INPP5D: variants seen among roughly 807,000 people sequenced by gnomAD.
INPP5D encodes the protein inositol polyphosphate-5-phosphatase D, also known as phosphatidylinositol 3,4,5-trisphosphate 5-phosphatase 1.
Under a neutral mutation model 122.9 loss-of-function variants are expected in INPP5D, and 33 were observed. The ratio of observed to expected loss-of-function variants is 0.27; its 90% CI spans 0.20 to 0.36. INPP5D has a LOEUF of 0.36. Among genes scored for constraint, INPP5D ranks in the 10% least tolerant of loss-of-function variants. The pLI, the probability that INPP5D is intolerant of heterozygous loss-of-function variation, is 1.00. For synonymous variants in INPP5D, 584 were observed against 576.2 expected, an observed-to-expected ratio of 1.01 and a Z score of -0.19; for missense variants, 1,053 against 1,412.7, an observed-to-expected ratio of 0.75 and a Z score of 4.08.
chr2:233,109,253 C>T (rs902062762), intron 2 of INPP5D, among the ~76,000 whole-genome samples: 1 of 152,182 alleles, frequency 6.6e-6, no homozygotes, highest in African/African-American at 2.4e-5. Flanking sequence ...GAATGCAGCC[C>T]CTCCCCTCTG....
intron 10 of INPP5D, among the ~76,000 whole-genome samples, chr2:233,158,845 C>A (rs548028305): frequency 6.6e-6 from 1 of 152,280 alleles, no homozygotes; most frequent in East Asian, 1.9e-4. Flanking sequence ...GTGGCGTGAT[C>A]ACAGCTCACG....
chr2:233,156,703 G>A (rs148580468), intron 9 of INPP5D, among the ~76,000 whole-genome samples: 2 of 152,224 alleles, frequency 1.3e-5, no homozygotes, highest in Admixed American at 6.5e-5. Flanking sequence ...GACAACATGT[G>A]TGAAATGTGG....
rs570297484 is a variant in INPP5D at position 233,165,017 on chromosome 2, T to C, written c.1555+593T>C. ...AACGCTGGTGTCAGTGGAGAGTTGC[T>C]GGCTTCAGAGAGCAGTAACAAGGGC... On this transcript the variant is annotated intron_variant, in intron 13 of 26. Coordinates refer to ENST00000445964, the MANE Select transcript of INPP5D (RefSeq NM_001017915.3). 3.3e-5 allele frequency among the ~76,000 whole-genome samples: 5 copies of C among 152,226 alleles called. No homozygotes were observed. The South Asian group carries it at 1.0e-3, about 32-fold the overall frequency.
At chr2:233,107,536 G>A (rs866458259) in intron 2 of INPP5D, among the ~76,000 whole-genome samples, 1 of 152,218 alleles carries the variant, frequency 6.6e-6, no homozygotes, top group African/African-American at 2.4e-5. Context: ...GACTGCTGGG[G>A]AGTGGGGCAA....
At position 233,183,809 on chromosome 2, in the gene INPP5D, G is replaced by A. The variant is rs533680146; in HGVS notation, c.2162-599G>A. On this transcript the variant is annotated intron_variant, in intron 19 of 26. Transcript: ENST00000445964. The surrounding 1 kb of genome is among the most constrained non-coding windows in gnomAD (Gnocchi z 4.6). ...ATGGAGGAAGGAAAGGTTTGTTCAT[G>A]GTCTCCGAACAAGTCTCTGTTCTGT... Among the ~76,000 whole-genome samples, 1 of 152,322 alleles carries A rather than the reference G, an allele frequency of 6.6e-6. No homozygotes were observed. Among genetic ancestry groups the A allele is most frequent in the South Asian group, 2.1e-4 (1 of 4,824 alleles).
chr2:233,108,930 C>T (rs994964482), intron 2 of INPP5D, among the ~76,000 whole-genome samples: 1 of 152,212 alleles, frequency 6.6e-6, no homozygotes, highest in Non-Finnish European at 1.5e-5. Flanking sequence ...GGGGACAACC[C>T]CCTGCCCAGT....
Position 233,207,471 on chromosome 2 carries a change from TC to T in INPP5D, c.*764del, listed in dbSNP as rs1475038129. 6.6e-6 allele frequency: 1 copy of T among 152,398 alleles called. No individual in the cohort carries two copies. Among genetic ancestry groups the T allele is most frequent in the Non-Finnish European group, 1.5e-5 (1 of 68,076 alleles). The allele number at this position is 152,398 out of a possible 1,614,324, so 9.4% of individuals were successfully genotyped here. On this transcript the variant is annotated 3_prime_UTR_variant, in exon 27 of 27. Transcript: ENST00000445964. This position sits in a 1 kb window ranked among gnomAD's most constrained non-coding sequence, Gnocchi z 4.6. Reference sequence around the variant, plus strand: ...CAGCTCCTATTCTCCAGTGGAGAGATCTGGCCTCAGCTTGGGCTAGAGATGC... The same window carrying T: ...CAGCTCCTATTCTCCAGTGGAGAGATTGGCCTCAGCTTGGGCTAGAGATGC...
In INPP5D at chr2:233,207,621, G is replaced by A. The variant is rs570696680; in HGVS notation, c.*913G>A. The A allele has an allele frequency of 2.0e-5, 3 of 152,450 alleles. No individual in the cohort carries two copies. Among genetic ancestry groups the A allele is most frequent in the African/African-American group, 4.8e-5 (2 of 41,586 alleles). The allele number at this position is 152,450 out of a possible 1,614,324, so 9.4% of individuals were successfully genotyped here. The stretch of plus-strand genomic sequence containing the variant: ...TAGAAGAGTCTTTGCTGTTGCTCCC[G>A]AAAGCCGTGCTCTCCAGCCTGGCTG... On this transcript the variant is annotated 3_prime_UTR_variant, in exon 27 of 27. Transcript: ENST00000445964. The surrounding 1 kb of genome is among the most constrained non-coding windows in gnomAD (Gnocchi z 4.6).
At chr2:233,127,148 G>A (rs2106260939) in intron 4 of INPP5D, among the ~76,000 whole-genome samples, 2 of 152,338 alleles carry the variant, frequency 1.3e-5, no homozygotes, top group South Asian at 4.1e-4. Context: ...AGTGGGACCA[G>A]CAGGGGCGTG....
At chr2:233,159,722 C>G (rs969976591) in intron 10 of INPP5D, among the ~76,000 whole-genome samples, 7 of 146,722 alleles carry the variant, frequency 4.8e-5, no homozygotes, top group African/African-American at 1.8e-4. Context: ...AAGATTGCAG[C>G]GCAATAAGGG....
At chr2:233,196,260 G>A (rs115937533) in intron 24 of INPP5D, among the ~76,000 whole-genome samples, 104 of 152,284 alleles carry the variant, frequency 6.8e-4, no homozygotes, top group Middle Eastern at 3.4e-3. Flanking sequence ...CCTCCTCTGC[G>A]AGTCTGTTGA....
At chr2:233,138,250 T>A (rs1444343029) in intron 5 of INPP5D, among the ~76,000 whole-genome samples, 1 of 139,536 alleles carries the variant, frequency 7.2e-6, no homozygotes, top group African/African-American at 2.7e-5. Flanking sequence ...CTCAGGAGGC[T>A]GAGGCAGGAT....
At chr2:233,159,564 T>C (rs1694146660) in intron 10 of INPP5D, among the ~76,000 whole-genome samples, 1 of 148,620 alleles carries the variant, frequency 6.7e-6, no homozygotes, top group South Asian at 2.1e-4. Context: ...TGTGGTGGCA[T>C]GAGCCTGTAG....
At chr2:233,172,678 C>T (rs13385922) in intron 17 of INPP5D, among the ~76,000 whole-genome samples, 62,305 of 151,924 alleles carry the variant, frequency 0.41, 13,384 homozygotes, top group East Asian at 0.68. Context: ...AATAGCGATG[C>T]GTCGCTTAAC....
In INPP5D at chr2:233,197,926, G is replaced by A. The variant is rs1294463304; in HGVS notation, c.2694-169G>A. Among the ~76,000 whole-genome samples the A allele has an allele frequency of 1.3e-5, 2 of 152,034 alleles. No individual in the cohort carries two copies. The highest frequency in any genetic ancestry group is 2.9e-5 in the Non-Finnish European group (2 of 67,998). On this transcript the variant is annotated intron_variant, in intron 24 of 26. Coordinates refer to ENST00000445964, the MANE Select transcript of INPP5D (RefSeq NM_001017915.3). The surrounding 1 kb of genome is among the most constrained non-coding windows in gnomAD (Gnocchi z 4.4). ...TGCTTACGAGGCCCTCAGTAATCAC[G>A]GTGTTGCATGGATAGATGAATGAAT...
chr2:233,136,191 T>C (rs117788315), intron 5 of INPP5D, among the ~76,000 whole-genome samples: 4,209 of 152,186 alleles, frequency 0.028, 134 homozygotes, highest in East Asian at 0.18. Flanking sequence ...AAAAAGTAAA[T>C]AGAAGGCCGG....
chr2:233,182,645 TC>T, intron 19 of INPP5D, 146 bp downstream of exon 19: 1 of 1,305,404 alleles, frequency 7.7e-7, no homozygotes, highest in Non-Finnish European at 1.0e-6. Flanking sequence ...TTTCTTCATG[TC>T]CCAGCCACAG....
rs1694667987 is a variant in INPP5D, at chr2:233,177,402, G to A, written c.2071+56G>A. ...GGATCAGAGAATGGCACCAAGCTGG[G>A]AGGTGTGACTGCCCTAAAATCTAAG... On this transcript the variant is annotated intron_variant, in intron 18 of 26. Transcript: ENST00000445964. The surrounding 1 kb of genome is among the most constrained non-coding windows in gnomAD (Gnocchi z 4.2). 1 of 1,612,038 alleles carries A rather than the reference G, an allele frequency of 6.2e-7. No homozygotes were observed. Among genetic ancestry groups the A allele is most frequent in the South Asian group, 1.1e-5 (1 of 90,990 alleles).
At position 233,147,182 on chromosome 2, in the gene INPP5D, A is replaced by C. The variant is rs376597575; in HGVS notation, c.907-289A>C. On this transcript the variant is annotated intron_variant, in intron 8 of 26. Transcript: ENST00000445964. ...ATTAATGAGTGTTGTCAAAGTCATC[A>C]GTGAATGAACCATTTCCAGCAATTC... is the stretch of plus-strand genomic sequence containing the variant. Among the ~76,000 whole-genome samples, 14 of 152,346 alleles carry C rather than the reference A, an allele frequency of 9.2e-5. 1 individual carries two copies. Among genetic ancestry groups the C allele is most frequent in the African/African-American group, 3.4e-4 (14 of 41,586 alleles).
Sources: allele counts gnomAD v4.1 joint callset (sites outside exome capture counted in the v4.1 genomes callset), GRCh38; gene constraint gnomAD v4.1.1; non-coding constraint Gnocchi (gnomAD v3.1); transcripts MANE v1.5; gene names NCBI Gene and HGNC (gene_info 2026-07-23, HGNC 2026-07-21).